Variants in BRCA1 observed in about 807,000 individuals in gnomAD.
The protein encoded by BRCA1 is BRCA1 DNA repair associated.
Under a neutral mutation model 173.7 loss-of-function variants are expected in BRCA1, and 140 were observed. The observed-to-expected ratio is 0.81, with a 90% CI of 0.70 to 0.93. BRCA1 has a LOEUF of 0.93. BRCA1 is among the 40% of genes least tolerant of loss of function. The pLI is 0.00. For missense variants in BRCA1, 1,983 were observed against 2,172.5 expected (o/e 0.91, Z 1.73); for synonymous variants, 662 against 756.0 (o/e 0.88, Z 2.04).
At chr17:43,065,715 A>T (rs1373164461) in intron 16 of BRCA1, among the ~76,000 whole-genome samples, 1 of 152,152 alleles carries the variant, frequency 6.6e-6, no homozygotes, top group Non-Finnish European at 1.5e-5. Flanking sequence ...GTGAACTGGA[A>T]CACATCCAGA....
At chr17:43,051,638 CTTTTT>C (rs1163251551) in intron 19 of BRCA1, among the ~76,000 whole-genome samples, 1 of 141,114 alleles carries the variant, frequency 7.1e-6, no homozygotes, top group Non-Finnish European at 1.6e-5. Context: ...TCTCCTCTGA[CTTTTT>C]TTTTTTTTTT....
intron 1 of BRCA1, chr17:43,166,112 G>A (rs949614715): frequency 7.2e-6 from 1 of 139,690 alleles, no homozygotes; most frequent in Non-Finnish European, 1.6e-5. Context: ...CTTTCCTTTT[G>A]CCTCTGCCTC....
At chr17:43,135,058 C>G (rs956987765) in intron 1 of BRCA1, among the ~76,000 whole-genome samples, 5 of 152,266 alleles carry the variant, frequency 3.3e-5, no homozygotes, top group African/African-American at 1.2e-4. Context: ...GGTACTTTCC[C>G]AGCCCCTGGC....
chr17:43,082,039 A>G (rs1246531810), intron 12 of BRCA1, among the ~76,000 whole-genome samples: 1 of 152,248 alleles, frequency 6.6e-6, no homozygotes, highest in Non-Finnish European at 1.5e-5. Context: ...CACCAGTGTT[A>G]TAAGGAATAT....
intron 2 of BRCA1, among the ~76,000 whole-genome samples, chr17:43,123,500 C>A (rs1481011115): frequency 1.3e-5 from 2 of 151,992 alleles, no homozygotes; most frequent in African/African-American, 4.8e-5. Flanking sequence ...CAGGCACATG[C>A]CACTACGCCC....
At chr17:43,082,293 G>A (rs2154141970) in intron 12 of BRCA1, 111 bp downstream of exon 12, 1 of 1,210,586 alleles carries the variant, frequency 8.3e-7, no homozygotes, top group Non-Finnish European at 1.2e-6. Flanking sequence ...TTACCCATGT[G>A]CTGAGCAAGG....
intron 6 of BRCA1, among the ~76,000 whole-genome samples, chr17:43,100,948 C>T (rs573829205): frequency 2.0e-5 from 3 of 151,074 alleles, no homozygotes; most frequent in Admixed American, 1.3e-4. Context: ...CCAGGCTGGT[C>T]TCACACTCCT....
At chr17:43,100,678 AATATATATATAT>A (rs56679756) in intron 6 of BRCA1, among the ~76,000 whole-genome samples, 1 of 36,258 alleles carries the variant, frequency 2.8e-5, no homozygotes, top group East Asian at 1.2e-3. Flanking sequence ...ATATATATAT[AATATATATATAT>A]ATATATATAT....
chr17:43,082,011 T>C (rs1044061077), intron 12 of BRCA1, among the ~76,000 whole-genome samples: 3 of 152,220 alleles, frequency 2.0e-5, no homozygotes, highest in African/African-American at 4.8e-5. Flanking sequence ...GCACATTAAA[T>C]AGGTCTTTGT....
At chr17:43,112,041 T>C (rs1258494913) in intron 3 of BRCA1, among the ~76,000 whole-genome samples, 1 of 152,002 alleles carries the variant, frequency 6.6e-6, no homozygotes, top group Non-Finnish European at 1.5e-5. Context: ...ATATTGATAT[T>C]ACAGAAGAGA....
intron 16 of BRCA1, 56 bp from the exon 17 acceptor site, chr17:43,064,007 C>T (rs2051943587): frequency 6.6e-7 from 1 of 1,514,338 alleles, no homozygotes; most frequent in African/African-American, 1.4e-5. Context: ...TCAGGAAGTG[C>T]TGTCCTAAGA....
At chr17:43,107,109 G>T (rs1473910250) in intron 3 of BRCA1, among the ~76,000 whole-genome samples, 1 of 136,266 alleles carries the variant, frequency 7.3e-6, no homozygotes, top group Non-Finnish European at 1.5e-5. Context: ...CTGTCTCCCA[G>T]GCTGGAGTGC....
chr17:43,128,776 C>G (rs2055938969), upstream of BRCA1, among the ~76,000 whole-genome samples: 1 of 151,444 alleles, frequency 6.6e-6, no homozygotes, highest in African/African-American at 2.4e-5. Flanking sequence ...TGGAAAGGCA[C>G]TGTTTCTCCT....
intron 17 of BRCA1, among the ~76,000 whole-genome samples, chr17:43,063,585 C>T (rs907931151): frequency 6.6e-6 from 1 of 152,146 alleles, no homozygotes; most frequent in Non-Finnish European, 1.5e-5. Flanking sequence ...ATAAGTTTGC[C>T]TGCTGCACAT....
chr17:43,050,543 G>T (rs564842903), intron 20 of BRCA1, among the ~76,000 whole-genome samples: 2 of 151,772 alleles, frequency 1.3e-5, no homozygotes, highest in Admixed American at 1.3e-4. Flanking sequence ...AACCCGGGAG[G>T]TGGAGGTTGC....
intron 22 of BRCA1, 92 bp from the exon 23 acceptor site, chr17:43,045,894 G>T (rs2152635401): frequency 2.7e-6 from 4 of 1,486,524 alleles, no homozygotes; most frequent in African/African-American, 1.4e-5. Context: ...GGTTGTATGA[G>T]TTCTTAGGAT....
chr17:43,070,228 C>T (rs1275547583), intron 15 of BRCA1, among the ~76,000 whole-genome samples: 2 of 151,990 alleles, frequency 1.3e-5, no homozygotes, highest in African/African-American at 2.4e-5. Flanking sequence ...CCACCATGCC[C>T]GGCCATGCAA....
chr17:43,075,502 A>G (rs536157026), intron 13 of BRCA1, among the ~76,000 whole-genome samples: 1 of 152,272 alleles, frequency 6.6e-6, no homozygotes, highest in East Asian at 1.9e-4. Flanking sequence ...CTATGGGTCA[A>G]ATACTAAGGC....
intron 12 of BRCA1, among the ~76,000 whole-genome samples, chr17:43,078,798 T>C (rs1424305483): frequency 6.6e-6 from 1 of 152,166 alleles, no homozygotes; most frequent in Non-Finnish European, 1.5e-5. Context: ...AGGATCTAAC[T>C]ATGAAGAGAG....
Sources: gnomAD v4.1 joint callset for allele counts (sites outside exome capture counted in the v4.1 genomes callset) on GRCh38, gnomAD v4.1.1 for gene constraint, MANE v1.5 for transcripts, NCBI Gene and HGNC (gene_info 2026-07-23, HGNC 2026-07-21) for gene names.